Variants in CTSB observed in about 807,000 individuals in gnomAD.
CTSB encodes APP secretase.
A neutral mutation model predicts 44.3 loss-of-function variants in CTSB; 57 were observed. The ratio of observed to expected loss-of-function variants is 1.29; its 90% CI spans 1.04 to 1.60. CTSB has a LOEUF of 1.60. Ranked by LOEUF, CTSB falls within the 40% of genes most tolerant of loss-of-function variation. CTSB has a pLI of 0.00. For synonymous variants in CTSB, 320 were observed against 168.0 expected (o/e 1.91, Z -7.00); for missense variants, 768 against 443.0 (o/e 1.73, Z -6.59).
At chr8:11,849,763 T>G (rs146628196) in intron 4 of CTSB, among the ~76,000 whole-genome samples, 2,936 of 152,208 alleles carry the variant, frequency 0.019, 43 homozygotes, top group Middle Eastern at 0.048. Flanking sequence ...GTCTTTTTAG[T>G]AGAGACAGGG....
chr8:11,845,439 G>C (rs1018331429), intron 9 of CTSB, among the ~76,000 whole-genome samples: 3 of 152,200 alleles, frequency 2.0e-5, no homozygotes, highest in African/African-American at 7.2e-5. Flanking sequence ...GATCTGGCGC[G>C]ATGCTGTGGG....
chr8:11,847,622 G>A (rs544549594), intron 7 of CTSB, 57 bp downstream of exon 7: 2 of 1,490,808 alleles, frequency 1.3e-6, no homozygotes, highest in East Asian at 2.4e-5. Context: ...GCGTGAGGAG[G>A]GATGCAGCAG....
chr8:11,859,536 G>A (rs941971332), intron 1 of CTSB, among the ~76,000 whole-genome samples: 10 of 152,050 alleles, frequency 6.6e-5, no homozygotes, highest in South Asian at 2.1e-4. Context: ...CAAGGCAGGC[G>A]GATCACCTGA....
At chr8:11,847,201 G>T in intron 7 of CTSB, 33 bp from the exon 8 acceptor site, 1 of 1,413,280 alleles carries the variant, frequency 7.1e-7, no homozygotes, top group Non-Finnish European at 1.0e-6. Flanking sequence ...GGTTGGGGAG[G>T]GCAGTGACCG....
At chr8:11,857,297 C>T (rs1001736423) in intron 1 of CTSB, among the ~76,000 whole-genome samples, 1 of 152,164 alleles carries the variant, frequency 6.6e-6, no homozygotes, top group Admixed American at 6.5e-5. Context: ...GGATTACAGG[C>T]ATGAGCCACT....
intron 1 of CTSB, chr8:11,854,591 G>GATTCAAACAATTCTT (rs1815200809): frequency 6.8e-6 from 1 of 146,024 alleles, no homozygotes; most frequent in Non-Finnish European, 1.5e-5. Flanking sequence ...CCACCTCCCA[G>GATTCAAACAATTCTT]GTTCTTAGCC....
At chr8:11,853,077 C>T (rs1455680374) in intron 2 of CTSB, among the ~76,000 whole-genome samples, 1 of 152,194 alleles carries the variant, frequency 6.6e-6, no homozygotes, top group East Asian at 1.9e-4. Context: ...TCACTTACTC[C>T]CCCACACACC....
chr8:11,848,016 A>G, intron 6 of CTSB, 51 bp downstream of exon 6: 1 of 1,469,402 alleles, frequency 6.8e-7, no homozygotes, highest in Non-Finnish European at 9.4e-7. Context: ...ATGATGGTTA[A>G]TTGCTCAAAC....
chr8:11,860,493 G>A (rs1285234543), intron 1 of CTSB, among the ~76,000 whole-genome samples: 2 of 152,052 alleles, frequency 1.3e-5, no homozygotes, highest in Admixed American at 6.6e-5. Flanking sequence ...CGTGGTGGTT[G>A]TGCACCTATA....
chr8:11,850,271 T>C (rs1300117880), intron 4 of CTSB, among the ~76,000 whole-genome samples: 1 of 151,548 alleles, frequency 6.6e-6, no homozygotes, highest in Non-Finnish European at 1.5e-5. Context: ...ATACAAAAAT[T>C]AGCTGGGCGT....
In CTSB at chr8:11,843,833, C is replaced by G. The variant is rs1156525671; in HGVS notation, c.*1292G>C. On this transcript the variant is annotated 3_prime_UTR_variant, in exon 10 of 10. Coordinates refer to ENST00000353047, the MANE Select transcript of CTSB (RefSeq NM_001908.5). The stretch of plus-strand genomic sequence containing the variant: ...ACCACCTGAGGCCGGGAGTTTGAAA[C>G]TAGCCTGGCCAACATGGTGAAATCC... The G allele has an allele frequency of 2.4e-4, 37 of 152,304 alleles. No homozygotes were observed. The highest frequency in any genetic ancestry group is 7.9e-4 in the African/African-American group (33 of 41,528). 9.4% of individuals were successfully genotyped at this position (152,304 alleles called of 1,614,324 possible). A position where few individuals can be genotyped will look rare whatever the true frequency, so the allele number is the denominator to read the frequency against.
Position 11,848,064 on chromosome 8 carries a change from T to G in CTSB, c.532+3A>C. ...CAGAAAGTGGCCAAGGGGACACACT[T>G]ACCTACATGGGATTCATAGAGGCCA... On this transcript the variant is annotated splice_donor_region_variant and intron_variant, in intron 6 of 9. Coordinates refer to ENST00000353047, the MANE Select transcript of CTSB (RefSeq NM_001908.5). 1 of 1,609,498 alleles carries G rather than the reference T, an allele frequency of 6.2e-7. No individual in the cohort carries two copies. The highest frequency in any genetic ancestry group is 8.5e-7 in the Non-Finnish European group (1 of 1,176,656).
chr8:11,852,714 C>G lies in CTSB; in HGVS notation c.127-19G>C, dbSNP rs954543305. 1 of 1,611,174 alleles carries G rather than the reference C, an allele frequency of 6.2e-7. No homozygotes were observed. Among genetic ancestry groups the G allele is most frequent in the African/African-American group, 1.3e-5 (1 of 74,886 alleles). ...GCCCGGCCTGGAAGAGAGTCACCCA[C>G]TGACTGAAGGGTCTCCCGGGATGGC... On this transcript the variant is annotated intron_variant, in intron 2 of 9. Transcript: ENST00000353047.
chr8:11,867,530 C>T (rs1334806458), intron 1 of CTSB: 1 of 152,274 alleles, frequency 6.6e-6, no homozygotes, highest in African/African-American at 2.4e-5. Context: ...GCAAATCCTT[C>T]GCAATGAGGG....
intron 1 of CTSB, among the ~76,000 whole-genome samples, chr8:11,861,179 G>C (rs1033336072): frequency 6.6e-6 from 1 of 152,192 alleles, no homozygotes; most frequent in Non-Finnish European, 1.5e-5. Context: ...TGATGAACGG[G>C]CACCAGAGGC....
intron 1 of CTSB, chr8:11,867,504 G>C (rs1416819043): frequency 6.6e-6 from 1 of 152,286 alleles, no homozygotes; most frequent in Non-Finnish European, 1.5e-5. Flanking sequence ...GGGATCTTGC[G>C]CAGAAAGTTG....
intron 4 of CTSB, 104 bp from the exon 5 acceptor site, chr8:11,849,268 C>A (rs1313725850): frequency 1.3e-6 from 1 of 794,820 alleles, no homozygotes; most frequent in Non-Finnish European, 2.1e-6. Context: ...TTGTAGGCAA[C>A]TGATCTCTCA....
chr8:11,855,663 C>T (rs1815381503), intron 1 of CTSB, among the ~76,000 whole-genome samples: 1 of 152,166 alleles, frequency 6.6e-6, no homozygotes, highest in African/African-American at 2.4e-5. Context: ...CCACAAAAGG[C>T]TCTTCAAAGT....
At chr8:11,855,729 A>G (rs1223381266) in intron 1 of CTSB, among the ~76,000 whole-genome samples, 2 of 152,184 alleles carry the variant, frequency 1.3e-5, no homozygotes, top group South Asian at 4.1e-4. Flanking sequence ...ACAGATAAAA[A>G]TAAGTTCAAC....
Sources: gnomAD v4.1 joint callset for allele counts (sites outside exome capture counted in the v4.1 genomes callset) on GRCh38, gnomAD v4.1.1 for gene constraint, MANE v1.5 for transcripts, NCBI Gene and HGNC (gene_info 2026-07-23, HGNC 2026-07-21) for gene names.